Variants in FGF14 observed in about 807,000 individuals in gnomAD.
The protein encoded by FGF14 is fibroblast growth factor homologous factor 4.
FGF14 carries 5 observed loss-of-function variants against 25.5 expected under a neutral mutation model. That is an observed-to-expected ratio of 0.20 (90% CI 0.10 to 0.41). The LOEUF is 0.41. Ranked by LOEUF, FGF14 falls within the 10% of genes least tolerant of loss-of-function variation. The pLI, the probability that FGF14 is intolerant of heterozygous loss-of-function variation, is 1.00. For missense variants in FGF14, 222 were observed against 320.1 expected (o/e 0.69, Z 2.34); for synonymous variants, 138 against 118.3 (o/e 1.17, Z -1.08).
chr13:102,080,242 A>G (rs2043554939), intron 1 of FGF14, among the ~76,000 whole-genome samples: 1 of 152,164 alleles, frequency 6.6e-6, no homozygotes, highest in South Asian at 2.1e-4. Context: ...TTGCATCCAG[A>G]AGACGACGAT....
At chr13:101,879,535 G>A (rs961918477) in intron 1 of FGF14, among the ~76,000 whole-genome samples, 1 of 152,130 alleles carries the variant, frequency 6.6e-6, no homozygotes, top group Non-Finnish European at 1.5e-5. Flanking sequence ...CATGCAATGG[G>A]AAGACTGGCG....
chr13:101,864,236 G>C (rs1375974653), intron 3 of FGF14, among the ~76,000 whole-genome samples: 3 of 152,124 alleles, frequency 2.0e-5, no homozygotes, highest in Non-Finnish European at 4.4e-5. Flanking sequence ...GAAGAAGTAT[G>C]CTGGTCTGCT....
At chr13:102,259,271 A>G (rs2052598615) in intron 1 of FGF14, among the ~76,000 whole-genome samples, 1 of 152,214 alleles carries the variant, frequency 6.6e-6, no homozygotes. Flanking sequence ...CTGTGGACAC[A>G]AACTGAGCCC....
At chr13:101,895,649 G>A (rs570643981) in intron 1 of FGF14, among the ~76,000 whole-genome samples, 2 of 152,200 alleles carry the variant, frequency 1.3e-5, no homozygotes, top group East Asian at 1.9e-4. Flanking sequence ...AAGGTAAAAC[G>A]TAAGAAAAGA....
At chr13:101,753,058 A>G (rs1566856820) in intron 3 of FGF14, among the ~76,000 whole-genome samples, 1 of 152,110 alleles carries the variant, frequency 6.6e-6, no homozygotes, top group African/African-American at 2.4e-5. Flanking sequence ...CCAAACATCA[A>G]CTTCCAGAAT....
At chr13:102,180,333 G>A (rs572268303) in intron 1 of FGF14, among the ~76,000 whole-genome samples, 4 of 151,758 alleles carry the variant, frequency 2.6e-5, no homozygotes, top group Admixed American at 2.6e-4. Flanking sequence ...TTTTTTTTGA[G>A]ACAGAGTCTC....
chr13:102,037,832 C>T (rs762534489), intron 1 of FGF14, among the ~76,000 whole-genome samples: 1 of 152,106 alleles, frequency 6.6e-6, no homozygotes, highest in Non-Finnish European at 1.5e-5. Flanking sequence ...ACCATGCTTG[C>T]CCAATGCACA....
intron 1 of FGF14, among the ~76,000 whole-genome samples, chr13:101,907,619 G>A (rs1322975595): frequency 6.6e-6 from 1 of 152,158 alleles, no homozygotes; most frequent in Non-Finnish European, 1.5e-5. Flanking sequence ...ATGGGAGAAG[G>A]ATAGTTGCAA....
intron 1 of FGF14, among the ~76,000 whole-genome samples, chr13:102,082,818 C>A (rs571005053): frequency 6.6e-6 from 1 of 151,608 alleles, no homozygotes; most frequent in Non-Finnish European, 1.5e-5. Context: ...ATTAGCCGGG[C>A]GTAGTGGCGG....
chr13:101,966,513 C>T (rs779268531), intron 1 of FGF14, among the ~76,000 whole-genome samples: 70 of 151,982 alleles, frequency 4.6e-4, no homozygotes, highest in Non-Finnish European at 6.6e-4. Flanking sequence ...GACAGAGTCT[C>T]GCTCTGTCGC....
intron 1 of FGF14, among the ~76,000 whole-genome samples, chr13:101,990,696 T>C (rs2038854822): frequency 6.6e-6 from 1 of 152,004 alleles, no homozygotes; most frequent in South Asian, 2.1e-4. Context: ...TCTCTAGGGT[T>C]TTTGACTTAG....
At chr13:101,963,951 G>C (rs1432916529) in intron 1 of FGF14, among the ~76,000 whole-genome samples, 1 of 152,152 alleles carries the variant, frequency 6.6e-6, no homozygotes, top group Non-Finnish European at 1.5e-5. Context: ...TTTGTGTGAG[G>C]AAAGACAACA....
In FGF14 at chr13:102,373,384, T is replaced by C. The variant is rs147842082; in HGVS notation, c.208+28087A>G. ...CTGTAAGGTAAATATGTAAGGTACA[T>C]GTAAAAACAAGTCTGCTCATCCCTT... On this transcript the variant is annotated intron_variant, in intron 1 of 4. Transcript: ENST00000376131. The C allele has an allele frequency of 5.9e-5, 9 of 152,306 alleles. No individual in the cohort carries two copies. The East Asian group carries it at 1.3e-3, about 23-fold the overall frequency. 9.4% of individuals were successfully genotyped at this position (152,306 alleles called of 1,614,324 possible).
rs149184842 is a variant in FGF14, at chr13:101,958,831, C to T, written c.209-83535G>A. Among the ~76,000 whole-genome samples the T allele has an allele frequency of 2.6e-3, 392 of 152,296 alleles. 11 individuals carry two copies. The highest frequency in any genetic ancestry group is 0.016 in the Admixed American group (247 of 15,300). On this transcript the variant is annotated intron_variant, in intron 1 of 4. Coordinates refer to the FGF14 transcript ENST00000376131. ...AGCAATGACAAAATCAAGGTCACTGCGCCTCCACCAAAATACCAAACATCC... is the reference window on the plus strand; with the variant it reads ...AGCAATGACAAAATCAAGGTCACTGTGCCTCCACCAAAATACCAAACATCC...
intron 1 of FGF14, among the ~76,000 whole-genome samples, chr13:102,032,556 G>C (rs1374331169): frequency 2.0e-5 from 3 of 152,114 alleles, no homozygotes; most frequent in African/African-American, 7.2e-5. Context: ...TATAGAATTT[G>C]ACTTATTTTG....
chr13:101,804,908 C>G (rs577406672), intron 3 of FGF14, among the ~76,000 whole-genome samples: 16 of 152,204 alleles, frequency 1.1e-4, no homozygotes, highest in Admixed American at 3.9e-4. Context: ...GCATTTGTAA[C>G]TGTTGGATTC....
chr13:101,861,170 C>A (rs747141555), intron 3 of FGF14, among the ~76,000 whole-genome samples: 1 of 152,088 alleles, frequency 6.6e-6, no homozygotes, highest in Non-Finnish European at 1.5e-5. Context: ...TACCATCTGT[C>A]ACAGAATTGA....
At chr13:102,193,960 A>C (rs1485073955) in intron 1 of FGF14, among the ~76,000 whole-genome samples, 2 of 152,228 alleles carry the variant, frequency 1.3e-5, no homozygotes, top group African/African-American at 4.8e-5. Context: ...CTAGTCAAAA[A>C]TTTGAAATAA....
At chr13:102,166,446 C>T (rs1204501367) in intron 1 of FGF14, among the ~76,000 whole-genome samples, 2 of 151,998 alleles carry the variant, frequency 1.3e-5, no homozygotes, top group Admixed American at 6.6e-5. Context: ...CTAGCAGATG[C>T]GTGCATTCCC....
Sources: allele counts gnomAD v4.1 joint callset (sites outside exome capture counted in the v4.1 genomes callset), GRCh38; gene constraint gnomAD v4.1.1; transcripts MANE v1.5; gene names NCBI Gene and HGNC (gene_info 2026-07-23, HGNC 2026-07-21).